The following DMRT1 variants were observed in gnomAD, a reference collection of about 807,000 sequenced individuals.
The protein encoded by DMRT1 is doublesex- and mab-3-related transcription factor 1.
In DMRT1, 7 loss-of-function variants were observed where a neutral mutation model predicts 32.3. That is an observed-to-expected ratio of 0.22 (90% CI 0.12 to 0.41). The LOEUF is 0.41. Among genes scored for constraint, DMRT1 ranks in the 10% least tolerant of loss-of-function variants. The pLI is 1.00. For missense variants in DMRT1, 625 were observed against 500.5 expected, an observed-to-expected ratio of 1.25 and a Z score of -2.37; for synonymous variants, 278 against 206.1, an observed-to-expected ratio of 1.35 and a Z score of -2.99.
At chr9:919,828 G>A (rs566868090) in intron 4 of DMRT1, among the ~76,000 whole-genome samples, 45 of 152,256 alleles carry the variant, frequency 3.0e-4, no homozygotes, top group African/African-American at 1.1e-3. Flanking sequence ...ACGGGTGGTC[G>A]AATTCTGGAT....
chr9:864,591 C>T (rs1297470087), intron 2 of DMRT1, among the ~76,000 whole-genome samples: 1 of 150,900 alleles, frequency 6.6e-6, no homozygotes, highest in Non-Finnish European at 1.5e-5. Context: ...CTCTGTGTCC[C>T]AGGCTCATGC....
intron 3 of DMRT1, among the ~76,000 whole-genome samples, chr9:896,481 C>T (rs755693973): frequency 4.0e-5 from 6 of 151,774 alleles, no homozygotes; most frequent in Admixed American, 6.6e-5. Flanking sequence ...CTCGAGCTCC[C>T]GGCAACCACT....
chr9:916,813 T>G lies in DMRT1; in HGVS notation c.873T>G (p.His291Gln), dbSNP rs1818199316. 3 of 1,614,102 alleles carry G rather than the reference T, an allele frequency of 1.9e-6. No individual in the cohort carries two copies. Among genetic ancestry groups the G allele is most frequent in the Non-Finnish European group, 2.5e-6 (3 of 1,180,042 alleles). ...CAATGAGCTCCCAGTACAGGATGCA[T>G]TCTTACTACCCGCCTCCCTCTTACC... ...RHAMSSQYRM[H>Q]SYYPPPSYLG... Residue 291 changes from histidine to glutamine, a missense_variant, in exon 4 of 5, where the codon CAT becomes CAG. Transcript: ENST00000382276.
intron 2 of DMRT1, among the ~76,000 whole-genome samples, chr9:863,252 A>G (rs1321965420): frequency 1.3e-5 from 2 of 151,074 alleles, no homozygotes; most frequent in African/African-American, 2.4e-5. Flanking sequence ...CAGGATTTCA[A>G]GGCTGCAGTG....
At chr9:857,046 G>A (rs1427924266) in intron 2 of DMRT1, among the ~76,000 whole-genome samples, 1 of 152,196 alleles carries the variant, frequency 6.6e-6, no homozygotes, top group African/African-American at 2.4e-5. Flanking sequence ...TGGGTGTGGT[G>A]GCTCACACCT....
intron 3 of DMRT1, among the ~76,000 whole-genome samples, chr9:904,998 C>T (rs1019365840): frequency 2.0e-5 from 3 of 151,968 alleles, no homozygotes; most frequent in South Asian, 2.1e-4. Context: ...GATCAGAGCC[C>T]GGGGAGAACT....
At chr9:904,391 T>G (rs1401312231) in intron 3 of DMRT1, among the ~76,000 whole-genome samples, 1 of 152,222 alleles carries the variant, frequency 6.6e-6, no homozygotes, top group Non-Finnish European at 1.5e-5. Flanking sequence ...GTCTCTTAAG[T>G]GTTCCTCATC....
At chr9:857,589 A>G (rs1183518105) in intron 2 of DMRT1, among the ~76,000 whole-genome samples, 1 of 152,190 alleles carries the variant, frequency 6.6e-6, no homozygotes, top group Non-Finnish European at 1.5e-5. Context: ...CTGTTGCCCT[A>G]AAACTTGGCA....
At chr9:927,929 G>A (rs1463133728) in intron 4 of DMRT1, among the ~76,000 whole-genome samples, 1 of 152,202 alleles carries the variant, frequency 6.6e-6, no homozygotes, top group Non-Finnish European at 1.5e-5. Flanking sequence ...TTTGATAGGA[G>A]GGCAAAGAGG....
At chr9:887,102 A>G (rs1816961058) in intron 2 of DMRT1, among the ~76,000 whole-genome samples, 1 of 152,180 alleles carries the variant, frequency 6.6e-6, no homozygotes. Context: ...GAGGCAGGAG[A>G]ATCACTTGAA....
chr9:940,814 A>G (rs1000444418), intron 4 of DMRT1, among the ~76,000 whole-genome samples: 3 of 152,212 alleles, frequency 2.0e-5, no homozygotes, highest in African/African-American at 7.2e-5. Context: ...TTAATATCCA[A>G]AATACACAGA....
At chr9:948,692 A>C (rs1819327706) in intron 4 of DMRT1, among the ~76,000 whole-genome samples, 1 of 152,060 alleles carries the variant, frequency 6.6e-6, no homozygotes, top group Admixed American at 6.5e-5. Flanking sequence ...GCCAGGCAGC[A>C]AACAGTTGAG....
chr9:945,491 T>C (rs533849619), intron 4 of DMRT1, among the ~76,000 whole-genome samples: 1 of 152,318 alleles, frequency 6.6e-6, no homozygotes, highest in Non-Finnish European at 1.5e-5. Flanking sequence ...CAATCAGCCA[T>C]TTCGTACTTT....
At chr9:877,753 A>G (rs1017381691) in intron 2 of DMRT1, among the ~76,000 whole-genome samples, 1 of 152,218 alleles carries the variant, frequency 6.6e-6, no homozygotes, top group Non-Finnish European at 1.5e-5. Context: ...AGGGAGTATA[A>G]AGGGCTCCAG....
intron 2 of DMRT1, among the ~76,000 whole-genome samples, chr9:852,946 G>T (rs533437734): frequency 5.3e-5 from 8 of 152,196 alleles, no homozygotes; most frequent in African/African-American, 1.7e-4. Flanking sequence ...ACATTGTGTC[G>T]TATGTTTAAG....
At chr9:901,907 A>G (rs1168259729) in intron 3 of DMRT1, among the ~76,000 whole-genome samples, 1 of 122,124 alleles carries the variant, frequency 8.2e-6, no homozygotes, top group Non-Finnish European at 1.6e-5. Context: ...AAGTGAAACT[A>G]GCCCTTTTTT....
intron 4 of DMRT1, among the ~76,000 whole-genome samples, chr9:926,174 G>GT (rs34123824): frequency 0.8 from 121,073 of 152,130 alleles, 48,318 homozygotes; most frequent in South Asian, 0.9. Context: ...CAGGTGTGGT[G>GT]TTCTCTTTAC....
At chr9:900,138 T>TGGAGTTGG (rs1328517759) in intron 3 of DMRT1, among the ~76,000 whole-genome samples, 1 of 152,242 alleles carries the variant, frequency 6.6e-6, no homozygotes, top group Non-Finnish European at 1.5e-5. Context: ...TCTTGATCCC[T>TGGAGTTGG]GGAGTTGGGG....
At chr9:947,331 A>C (rs901260345) in intron 4 of DMRT1, among the ~76,000 whole-genome samples, 4 of 152,202 alleles carry the variant, frequency 2.6e-5, no homozygotes, top group African/African-American at 9.7e-5. Flanking sequence ...GACAATTATT[A>C]TTCTTCCAAT....
Sources: gnomAD v4.1 joint callset for allele counts (sites outside exome capture counted in the v4.1 genomes callset) on GRCh38, gnomAD v4.1.1 for gene constraint, MANE v1.5 for transcripts, NCBI Gene and HGNC (gene_info 2026-07-23, HGNC 2026-07-21) for gene names.